The following WDR7 variants were observed in gnomAD, a reference collection of about 807,000 sequenced individuals.
WDR7 encodes WD repeat domain 7.
Under a neutral mutation model 169.4 loss-of-function variants are expected in WDR7, and 46 were observed. That is an observed-to-expected ratio of 0.27 (90% confidence interval 0.21 to 0.35). The LOEUF (loss-of-function observed/expected upper bound fraction) is 0.35. Among genes scored for constraint, WDR7 ranks in the 10% least tolerant of loss-of-function variants. The probability of loss-of-function intolerance (pLI) is 1.00; values close to 1 mark genes in which losing one functional copy is unlikely to be tolerated. For missense variants in WDR7, 1,534 were observed against 1,859.3 expected (o/e 0.83, Z 3.22); for synonymous variants, 612 against 666.8 (o/e 0.92, Z 1.27).
At chr18:56,916,162 C>T (rs2046622088) in intron 21 of WDR7, among the ~76,000 whole-genome samples, 1 of 152,146 alleles carries the variant, frequency 6.6e-6, no homozygotes, top group Non-Finnish European at 1.5e-5. Flanking sequence ...TACATGTGCA[C>T]AACGTGCAGT....
intron 22 of WDR7, among the ~76,000 whole-genome samples, chr18:56,929,121 A>C (rs1407481376): frequency 6.6e-6 from 1 of 151,988 alleles, no homozygotes; most frequent in African/African-American, 2.4e-5. Context: ...GTCTCTACAA[A>C]ATTTAAGAAA....
intron 5 of WDR7, among the ~76,000 whole-genome samples, chr18:56,685,171 A>G (rs1305851986): frequency 6.6e-6 from 1 of 152,232 alleles, no homozygotes; most frequent in East Asian, 1.9e-4. Flanking sequence ...TAACAGTAAT[A>G]ACTCAACTTT....
At chr18:56,861,260 G>A (rs967279149) in intron 20 of WDR7, among the ~76,000 whole-genome samples, 1 of 152,152 alleles carries the variant, frequency 6.6e-6, no homozygotes, top group African/African-American at 2.4e-5. Context: ...CGTGTGAGCC[G>A]CCCTTTCACA....
At chr18:56,756,300 G>A (rs2043886545) in intron 14 of WDR7, among the ~76,000 whole-genome samples, 1 of 152,162 alleles carries the variant, frequency 6.6e-6, no homozygotes, top group Non-Finnish European at 1.5e-5. Flanking sequence ...ATTACTGTGA[G>A]TAAAGAGACT....
At chr18:56,715,216 G>A (rs960853002) in intron 12 of WDR7, among the ~76,000 whole-genome samples, 2 of 152,108 alleles carry the variant, frequency 1.3e-5, no homozygotes, top group African/African-American at 4.8e-5. Context: ...CTATGGTAAG[G>A]AGATCTTTGA....
At chr18:56,921,248 A>G (rs1318948611) in intron 21 of WDR7, among the ~76,000 whole-genome samples, 1 of 152,214 alleles carries the variant, frequency 6.6e-6, no homozygotes, top group African/African-American at 2.4e-5. Context: ...GAGTTTTAAC[A>G]TTTGTACATC....
chr18:56,781,545 G>T lies in WDR7; in HGVS notation c.3079G>T (p.Ala1027Ser). 1.2e-6 allele frequency: 2 copies of T among 1,607,682 alleles called. No homozygotes were observed. The highest frequency in any genetic ancestry group is 1.3e-5 in the African/African-American group (1 of 74,622). Residue 1027 changes from alanine to serine, a missense_variant, in exon 19 of 28, where the codon GCG (alanine) becomes TCG (serine). By Grantham distance (99) the Ala-to-Ser change is moderately conservative. Transcript: ENST00000254442. ...QDRCLEVREA[A>S]QALLLAELRR... ...TCTGTGGTCTTAGGTGAGAGAAGCC[G>T]CGCAGGCCCTGCTTCTGGCGGAACT...
chr18:56,726,675 A>G (rs1480576170), intron 13 of WDR7, among the ~76,000 whole-genome samples: 1 of 152,058 alleles, frequency 6.6e-6, no homozygotes, highest in Non-Finnish European at 1.5e-5. Flanking sequence ...ACACAGTTAA[A>G]TTACTGAGAA....
chr18:57,008,122 A>G (rs551779245), intron 26 of WDR7, among the ~76,000 whole-genome samples: 2 of 151,954 alleles, frequency 1.3e-5, no homozygotes, highest in South Asian at 2.1e-4. Flanking sequence ...ACTGATCCCT[A>G]TCCGCCGCGC....
At chr18:56,822,908 C>T (rs946258961) in intron 20 of WDR7, among the ~76,000 whole-genome samples, 1 of 151,814 alleles carries the variant, frequency 6.6e-6, no homozygotes, top group Admixed American at 6.6e-5. Context: ...AAATAATTTA[C>T]CTTTTTGTCC....
chr18:56,861,168 A>G (rs1310474143), intron 20 of WDR7, among the ~76,000 whole-genome samples: 4 of 152,190 alleles, frequency 2.6e-5, no homozygotes, highest in African/African-American at 7.2e-5. Flanking sequence ...TGATAAATAA[A>G]TAGATCATCT....
intron 16 of WDR7, among the ~76,000 whole-genome samples, chr18:56,770,303 G>A (rs985643336): frequency 1.3e-5 from 2 of 152,198 alleles, no homozygotes; most frequent in Admixed American, 1.3e-4. Context: ...GTGTTTTTGT[G>A]TGCTTAGCCC....
intron 20 of WDR7, among the ~76,000 whole-genome samples, chr18:56,856,376 T>A (rs9957753): frequency 0.074 from 11,266 of 151,782 alleles, 1,406 homozygotes; most frequent in African/African-American, 0.26. Flanking sequence ...TCTACAAAAC[T>A]TACAAAAATT....
intron 12 of WDR7, among the ~76,000 whole-genome samples, chr18:56,706,095 A>G (rs779796590): frequency 1.1e-4 from 17 of 152,262 alleles, no homozygotes; most frequent in Non-Finnish European, 2.4e-4. Context: ...ATTTCAGCCT[A>G]CTTAGGTAGG....
intron 19 of WDR7, among the ~76,000 whole-genome samples, chr18:56,814,810 A>C (rs1261894392): frequency 6.6e-6 from 1 of 152,200 alleles, no homozygotes; most frequent in African/African-American, 2.4e-5. Flanking sequence ...AAATTAAAAA[A>C]AAAAATGCTT....
At chr18:56,895,386 C>T (rs2046318678) in intron 21 of WDR7, among the ~76,000 whole-genome samples, 2 of 151,768 alleles carry the variant, frequency 1.3e-5, no homozygotes, top group South Asian at 4.1e-4. Context: ...GGCATTTTGT[C>T]ATAGGAGGAA....
chr18:56,933,455 G>C (rs1320072112), intron 22 of WDR7, among the ~76,000 whole-genome samples: 1 of 152,164 alleles, frequency 6.6e-6, no homozygotes, highest in African/African-American at 2.4e-5. Flanking sequence ...TAATATGGCT[G>C]CTCTCCCTTA....
chr18:57,017,443 T>TGTGTGTGC (rs1491175226), intron 26 of WDR7, among the ~76,000 whole-genome samples: 41 of 139,618 alleles, frequency 2.9e-4, no homozygotes, highest in African/African-American at 9.7e-4. Context: ...TGTGTGTGTG[T>TGTGTGTGC]GCATGTGTGT....
intron 26 of WDR7, among the ~76,000 whole-genome samples, chr18:57,012,741 G>A (rs565750658): frequency 6.6e-6 from 1 of 152,294 alleles, no homozygotes; most frequent in South Asian, 2.1e-4. Flanking sequence ...TCAAGCTACG[G>A]AAATTGAAGA....
Sources: gnomAD v4.1 joint callset for allele counts (sites outside exome capture counted in the v4.1 genomes callset) on GRCh38, gnomAD v4.1.1 for gene constraint, MANE v1.5 for transcripts, NCBI Gene and HGNC (gene_info 2026-07-23, HGNC 2026-07-21) for gene names.